The following FOXP2 variants were observed in gnomAD, a reference collection of about 807,000 sequenced individuals.
FOXP2 encodes the protein forkhead box P2, also known as forkhead box protein P2.
FOXP2 carries 12 observed loss-of-function variants against 115.8 expected under a neutral mutation model. The observed-to-expected ratio is 0.10, with a 90% CI of 0.07 to 0.17. The LOEUF (loss-of-function observed/expected upper bound fraction) is 0.17. Ranked by LOEUF, FOXP2 falls within the 10% of genes least tolerant of loss-of-function variation. The probability of loss-of-function intolerance (pLI) is 1.00; values close to 1 mark genes in which losing one functional copy is unlikely to be tolerated. For missense variants in FOXP2, 629 were observed against 843.5 expected (o/e 0.75, Z 3.15); for synonymous variants, 328 against 297.7 (o/e 1.10, Z -1.05).
intron 1 of FOXP2, among the ~76,000 whole-genome samples, chr7:114,164,281 G>T (rs964601577): frequency 1.3e-5 from 2 of 151,720 alleles, no homozygotes; most frequent in African/African-American, 4.8e-5. Context: ...TAGATGTTCA[G>T]TTCAAAACTT....
At chr7:114,568,179 G>A (rs1023902541) in intron 3 of FOXP2, among the ~76,000 whole-genome samples, 65 of 151,944 alleles carry the variant, frequency 4.3e-4, no homozygotes, top group African/African-American at 1.4e-3. Context: ...CCTCAGTGTC[G>A]GTGGCAGTTC....
intron 2 of FOXP2, among the ~76,000 whole-genome samples, chr7:114,467,131 T>C (rs1165096928): frequency 1.3e-5 from 2 of 152,184 alleles, no homozygotes; most frequent in Non-Finnish European, 2.9e-5. Context: ...TTTGGTGACC[T>C]CCACTGTTTA....
intron 2 of FOXP2, among the ~76,000 whole-genome samples, chr7:114,352,313 G>T (rs1413326866): frequency 6.6e-6 from 1 of 151,734 alleles, no homozygotes; most frequent in East Asian, 1.9e-4. Context: ...AAAGAAAGTT[G>T]AGTCAGAAAG....
At chr7:114,567,952 T>C (rs1479650075) in intron 3 of FOXP2, among the ~76,000 whole-genome samples, 1 of 152,076 alleles carries the variant, frequency 6.6e-6, no homozygotes, top group Non-Finnish European at 1.5e-5. Flanking sequence ...TCACATACTT[T>C]CAGTTGCAGA....
intron 1 of FOXP2, among the ~76,000 whole-genome samples, chr7:114,260,009 C>A (rs1795709473): frequency 6.6e-6 from 1 of 151,960 alleles, no homozygotes; most frequent in African/African-American, 2.4e-5. Context: ...CTTGCCTCAG[C>A]CTTCAGAGTA....
At chr7:114,225,853 G>A (rs1429477275) in intron 1 of FOXP2, among the ~76,000 whole-genome samples, 1 of 151,918 alleles carries the variant, frequency 6.6e-6, no homozygotes, top group Non-Finnish European at 1.5e-5. Context: ...ACCCTACCTT[G>A]TAGTAAACCT....
intron 3 of FOXP2, among the ~76,000 whole-genome samples, chr7:114,620,177 G>A (rs1255817042): frequency 1.3e-5 from 2 of 151,864 alleles, no homozygotes; most frequent in Non-Finnish European, 2.9e-5. Context: ...TGAAACAAGG[G>A]GAGTTCATCG....
chr7:114,237,063 T>G (rs1301271631), intron 1 of FOXP2, among the ~76,000 whole-genome samples: 11 of 152,296 alleles, frequency 7.2e-5, no homozygotes, highest in Non-Finnish European at 1.2e-4. Context: ...TATGTCTGTG[T>G]GGGGGGCTGA....
chr7:114,148,832 T>A (rs1026240618), intron 1 of FOXP2, among the ~76,000 whole-genome samples: 4 of 152,186 alleles, frequency 2.6e-5, no homozygotes, highest in Non-Finnish European at 5.9e-5. Flanking sequence ...ACATCTGTCT[T>A]CTTTGCTTCA....
chr7:114,214,709 C>A (rs1253937540), intron 1 of FOXP2, among the ~76,000 whole-genome samples: 2 of 152,170 alleles, frequency 1.3e-5, no homozygotes, highest in Admixed American at 1.3e-4. Flanking sequence ...CCCCTTACTC[C>A]TGCTGACAAA....
chr7:114,380,527 C>G (rs1437718193), intron 2 of FOXP2, among the ~76,000 whole-genome samples: 1 of 152,142 alleles, frequency 6.6e-6, no homozygotes, highest in South Asian at 2.1e-4. Context: ...TCTAAAAGGT[C>G]CCTTCAAGTG....
At chr7:114,619,886 C>A in intron 3 of FOXP2, among the ~76,000 whole-genome samples, 1 of 151,966 alleles carries the variant, frequency 6.6e-6, no homozygotes, top group Non-Finnish European at 1.5e-5. Flanking sequence ...TTCATTCAGT[C>A]ATAGTATTAT....
In FOXP2 at chr7:114,128,951, C is replaced by A. The variant is rs1450188882; in HGVS notation, c.-246-33993C>A. Among the ~76,000 whole-genome samples the A allele has an allele frequency of 3.9e-5, 6 of 152,208 alleles. 1 individual carries two copies. Among genetic ancestry groups the A allele is most frequent in the Admixed American group, 3.9e-4 (6 of 15,274 alleles). ...ATTTCCCTTTTCATCCTCTCTATTT[C>A]TTATTAGGACATAAAAAACACTCTC... On this transcript the variant is annotated intron_variant, in intron 1 of 19. Coordinates refer to the FOXP2 transcript ENST00000635638.
intron 2 of FOXP2, among the ~76,000 whole-genome samples, chr7:114,442,348 ATTT>A (rs61403290): frequency 6.9e-6 from 1 of 145,884 alleles, no homozygotes; most frequent in African/African-American, 2.5e-5. Context: ...GGCAAGAGGG[ATTT>A]TTTTTTTTTT....
chr7:114,096,662 A>ATTTTATT (rs1270319720), intron 1 of FOXP2, among the ~76,000 whole-genome samples: 61 of 152,332 alleles, frequency 4.0e-4, no homozygotes, highest in Non-Finnish European at 7.2e-4. Context: ...AAGTATATGC[A>ATTTTATT]CATGCTTATT....
At chr7:114,487,887 T>G (rs1796865737) in intron 2 of FOXP2, among the ~76,000 whole-genome samples, 1 of 152,192 alleles carries the variant, frequency 6.6e-6, no homozygotes, top group Non-Finnish European at 1.5e-5. Flanking sequence ...TTTTCCTGTC[T>G]TCTGAGCCCT....
At chr7:114,170,893 A>G (rs1288434854) in intron 1 of FOXP2, among the ~76,000 whole-genome samples, 2 of 152,246 alleles carry the variant, frequency 1.3e-5, no homozygotes, top group East Asian at 3.8e-4. Context: ...AGCTAAAATC[A>G]TTGATAAAGT....
At position 114,335,628 on chromosome 7, in the gene FOXP2, T is replaced by C. The variant is rs571415714; in HGVS notation, c.-11+47519T>C. Among the ~76,000 whole-genome samples the C allele has an allele frequency of 1.1e-4, 17 of 151,982 alleles. No individual in the cohort carries two copies. The South Asian group carries it at 3.3e-3, about 30-fold the overall frequency. On this transcript the variant is annotated intron_variant, in intron 2 of 17. Transcript: ENST00000634411. ...ATGCAAAGAAAGTGTATAAATAATA[T>C]TGAAAAGTACATGGATCAGTGGTTG... is the stretch of plus-strand genomic sequence containing the variant.
chr7:114,630,008 A>G lies in FOXP2; in HGVS notation c.597+3A>G, dbSNP rs763067796. 8.7e-6 allele frequency: 14 copies of G among 1,601,856 alleles called. No individual in the cohort carries two copies. The South Asian group carries it at 1.5e-4, about 18-fold the overall frequency. On this transcript the variant is annotated splice_donor_region_variant and intron_variant, in intron 5 of 16. Transcript: ENST00000350908. ...ATCCTGGAAAGCAAGCGAAAGAGGT[A>G]GGATCCGGTTATCTCATTGATACAT...
Sources: gnomAD v4.1 joint callset for allele counts (sites outside exome capture counted in the v4.1 genomes callset) on GRCh38, gnomAD v4.1.1 for gene constraint, MANE v1.5 for transcripts, NCBI Gene and HGNC (gene_info 2026-07-23, HGNC 2026-07-21) for gene names.